ZNF536: variants seen among roughly 807,000 people sequenced by gnomAD.
ZNF536 encodes zinc finger protein 536.
ZNF536 carries 13 observed loss-of-function variants against 84.5 expected under a neutral mutation model. That is an observed-to-expected ratio of 0.15 (90% confidence interval 0.10 to 0.24). The LOEUF (loss-of-function observed/expected upper bound fraction) is 0.24. Among genes scored for constraint, ZNF536 ranks in the 10% least tolerant of loss-of-function variants. The pLI, the probability that ZNF536 is intolerant of heterozygous loss-of-function variation, is 1.00. For synonymous variants in ZNF536, 811 were observed against 742.5 expected (o/e 1.09, Z -1.50); for missense variants, 1,536 against 1,747.5 (o/e 0.88, Z 2.16).
chr19:30,705,838 C>A (rs1009221584), intron 1 of ZNF536, among the ~76,000 whole-genome samples: 1 of 152,090 alleles, frequency 6.6e-6, no homozygotes, highest in Non-Finnish European at 1.5e-5. Context: ...AAAATGAAAC[C>A]AATTCAATAC....
intron 2 of ZNF536, among the ~76,000 whole-genome samples, chr19:30,313,551 C>A (rs2046576245): frequency 6.6e-6 from 1 of 152,122 alleles, no homozygotes; most frequent in Admixed American, 6.5e-5. Context: ...CTGCTACCTG[C>A]CACCCCCTGC....
At chr19:30,580,652 G>A (rs1186843628) in intron 1 of ZNF536, among the ~76,000 whole-genome samples, 4 of 152,216 alleles carry the variant, frequency 2.6e-5, no homozygotes, top group East Asian at 1.9e-4. Flanking sequence ...TGGCCCAGAC[G>A]TCATCTAAGC....
Position 30,445,504 on chromosome 19 carries a change from G to A in ZNF536, c.1942G>A (p.Val648Met), listed in dbSNP as rs1489616432. The change falls in exon 2 of 5, where the codon GTG becomes ATG. Residue 648 changes from valine (V) to methionine (M), a missense_variant. Val to Met is a conservative substitution (Grantham distance 21, BLOSUM62 1). Transcript: ENST00000355537. This position sits in a 1 kb window ranked among gnomAD's most constrained non-coding sequence, Gnocchi z 4.5. ...RVFRTYHQVV[V>M]HSRVHKRDRK... ...GTTCCGCACTTACCACCAGGTGGTC[G>A]TGCACTCCCGTGTCCACAAGCGGGA... 6.2e-6 allele frequency: 10 copies of A among 1,613,876 alleles called. No individual in the cohort carries two copies. The highest frequency in any genetic ancestry group is 2.7e-5 in the African/African-American group (2 of 74,934).
intron 1 of ZNF536, among the ~76,000 whole-genome samples, chr19:30,380,207 C>T (rs776361331): frequency 3.9e-5 from 6 of 152,008 alleles, no homozygotes; most frequent in Non-Finnish European, 5.9e-5. Flanking sequence ...TTTTGCCAGC[C>T]GTCAGCCTTT....
At chr19:30,687,406 G>A (rs767188958) in intron 1 of ZNF536, among the ~76,000 whole-genome samples, 3 of 152,166 alleles carry the variant, frequency 2.0e-5, no homozygotes, top group East Asian at 1.9e-4. Context: ...TCAAAGGGGC[G>A]TTCTGCTGCC....
chr19:30,479,997 C>A (rs142828279), intron 2 of ZNF536, among the ~76,000 whole-genome samples: 1 of 152,232 alleles, frequency 6.6e-6, no homozygotes, highest in Non-Finnish European at 1.5e-5. Flanking sequence ...GTTCCCCCTT[C>A]TAGGCTTGCC....
rs539460389 is a variant in ZNF536 at position 30,237,039 on chromosome 19, T to A, written c.-190+8366T>A. 2.7e-3 allele frequency among the ~76,000 whole-genome samples: 318 copies of A among 119,712 alleles called. 3 individuals are homozygous for A. The highest frequency in any genetic ancestry group is 0.011 in the African/African-American group (298 of 26,334). The allele number at this position is 119,712 out of a possible 152,430, so 78.5% of individuals were successfully genotyped here. A position where few individuals can be genotyped will look rare whatever the true frequency, so the allele number is the denominator to read the frequency against. On this transcript the variant is annotated intron_variant, in intron 1 of 5. Coordinates refer to the ZNF536 transcript ENST00000585628. The stretch of plus-strand genomic sequence containing the variant: ...AATGTTGACAGGAGCTAGATTCTTG[T>A]GAGATTTTTTTTTTTTTCTTCTAGG...
rs2046719023 is a variant in ZNF536, at chr19:30,317,490, AG to A, written c.-120+33350del. ...CAGATGTGGAGATGGCCTGGCTGGA[AG>A]TCCAGCGGCCCGAGGAGTGGGTGCC... On this transcript the variant is annotated intron_variant, in intron 2 of 5. Coordinates refer to the ZNF536 transcript ENST00000585628. 2.6e-5 allele frequency among the ~76,000 whole-genome samples: 4 copies of A among 152,316 alleles called. No individual in the cohort carries two copies. In the South Asian group the frequency reaches 8.3e-4, roughly 32 times the overall value.
chr19:30,605,538 T>C (rs994218251), intron 1 of ZNF536, among the ~76,000 whole-genome samples: 1 of 152,192 alleles, frequency 6.6e-6, no homozygotes, highest in African/African-American at 2.4e-5. Context: ...CATAGCAGAG[T>C]AGTATTCCAT....
intron 1 of ZNF536, among the ~76,000 whole-genome samples, chr19:30,428,103 A>C (rs2051293597): frequency 6.6e-6 from 1 of 152,186 alleles, no homozygotes; most frequent in South Asian, 2.1e-4. Flanking sequence ...TAAAAATACA[A>C]AAGGTAAAGT....
intron 1 of ZNF536, among the ~76,000 whole-genome samples, chr19:30,268,042 C>CGCCTCCATCCCTTTCTCTCCCCCT (rs2025610788): frequency 8.5e-6 from 1 of 118,296 alleles, no homozygotes; most frequent in Non-Finnish European, 1.8e-5. Context: ...TTCCTCCCCC[C>CGCCTCCATCCCTTTCTCTCCCCCT]GCCTCCCTCC....
At chr19:30,683,196 C>T (rs891902341) in intron 1 of ZNF536, among the ~76,000 whole-genome samples, 1 of 152,092 alleles carries the variant, frequency 6.6e-6, no homozygotes, top group Non-Finnish European at 1.5e-5. Flanking sequence ...AGCCGGGTCT[C>T]GGGGAATTTT....
chr19:30,319,675 C>A (rs1457440391), intron 2 of ZNF536, among the ~76,000 whole-genome samples: 1 of 152,210 alleles, frequency 6.6e-6, no homozygotes, highest in Non-Finnish European at 1.5e-5. Context: ...ATGTTACAAT[C>A]TGTAAATAAC....
At chr19:30,306,724 A>G (rs2046352881) in intron 2 of ZNF536, among the ~76,000 whole-genome samples, 1 of 152,236 alleles carries the variant, frequency 6.6e-6, no homozygotes, top group South Asian at 2.1e-4. Flanking sequence ...ATAGTCTGGT[A>G]TGTTATTTTA....
chr19:30,544,202 G>T (rs2045452811), intron 3 of ZNF536, among the ~76,000 whole-genome samples: 1 of 152,228 alleles, frequency 6.6e-6, no homozygotes, highest in Non-Finnish European at 1.5e-5. Flanking sequence ...AAGCCCTTTA[G>T]CGACCCGGCA....
At chr19:30,237,772 G>GT (rs1445863775) in intron 1 of ZNF536, among the ~76,000 whole-genome samples, 1 of 126,748 alleles carries the variant, frequency 7.9e-6, no homozygotes, top group Non-Finnish European at 1.9e-5. Context: ...ATATCTATAA[G>GT]TTCTTTTTTT....
At chr19:30,348,218 A>G (rs1278417512) in intron 2 of ZNF536, among the ~76,000 whole-genome samples, 1 of 152,094 alleles carries the variant, frequency 6.6e-6, no homozygotes, top group Non-Finnish European at 1.5e-5. Context: ...TCCTTCCTTC[A>G]TTCAACAAAT....
chr19:30,397,051 A>C (rs1027445448), intron 1 of ZNF536, among the ~76,000 whole-genome samples: 1 of 152,158 alleles, frequency 6.6e-6, no homozygotes, highest in Non-Finnish European at 1.5e-5. Context: ...TATGGCTGCA[A>C]ACCTGGGCAC....
intron 1 of ZNF536, among the ~76,000 whole-genome samples, chr19:30,585,515 G>A (rs2047065868): frequency 6.6e-6 from 1 of 152,184 alleles, no homozygotes; most frequent in South Asian, 2.1e-4. Flanking sequence ...GTCAGAAAGG[G>A]TTAATAGATC....
Sources: gnomAD v4.1 joint callset for allele counts (sites outside exome capture counted in the v4.1 genomes callset) on GRCh38, gnomAD v4.1.1 for gene constraint, Gnocchi (gnomAD v3.1) non-coding constraint, MANE v1.5 for transcripts, NCBI Gene and HGNC (gene_info 2026-07-23, HGNC 2026-07-21) for gene names.